Variants in SIPA1L2 observed in about 807,000 individuals in gnomAD.
SIPA1L2 encodes the protein signal-induced proliferation-associated 1-like protein 2.
A neutral mutation model predicts 163.9 loss-of-function variants in SIPA1L2; 56 were observed. The observed-to-expected ratio is 0.34, with a 90% confidence interval of 0.28 to 0.43. The LOEUF (loss-of-function observed/expected upper bound fraction) is 0.43. Among genes scored for constraint, SIPA1L2 ranks in the 20% least tolerant of loss-of-function variants. The pLI, the probability that SIPA1L2 is intolerant of heterozygous loss-of-function variation, is 1.00. For synonymous variants in SIPA1L2, 877 were observed against 865.7 expected (o/e 1.01, Z -0.23); for missense variants, 1,974 against 2,193.5 (o/e 0.90, Z 2.00).
At chr1:232,580,925 G>A (rs1246125747) in intron 1 of SIPA1L2, among the ~76,000 whole-genome samples, 3 of 152,004 alleles carry the variant, frequency 2.0e-5, no homozygotes, top group Non-Finnish European at 4.4e-5. Flanking sequence ...CCTTTATTCT[G>A]CTACAACACT....
At chr1:232,525,227 T>C (rs1271876578) in intron 2 of SIPA1L2, among the ~76,000 whole-genome samples, 1 of 138,920 alleles carries the variant, frequency 7.2e-6, no homozygotes, top group African/African-American at 2.7e-5. Flanking sequence ...GTTAGAATAA[T>C]AATAGCTTTT....
chr1:232,411,498 G>T (rs1217740396), intron 19 of SIPA1L2, among the ~76,000 whole-genome samples: 3 of 151,782 alleles, frequency 2.0e-5, no homozygotes, highest in African/African-American at 7.3e-5. Context: ...TTATATTTTG[G>T]ATCAAATTTG....
intron 1 of SIPA1L2, among the ~76,000 whole-genome samples, chr1:232,618,616 T>C (rs1573183851): frequency 6.8e-6 from 1 of 147,442 alleles, no homozygotes; most frequent in African/African-American, 2.5e-5. Flanking sequence ...ATTGCACCAG[T>C]GCACTCCAGC....
intron 1 of SIPA1L2, among the ~76,000 whole-genome samples, chr1:232,577,406 G>C (rs1320095492): frequency 6.6e-6 from 1 of 152,118 alleles, no homozygotes; most frequent in Non-Finnish European, 1.5e-5. Flanking sequence ...GTTGTTTCTT[G>C]CCTGCTAACA....
intron 15 of SIPA1L2, among the ~76,000 whole-genome samples, chr1:232,438,609 C>G (rs1662702206): frequency 6.6e-6 from 1 of 152,228 alleles, no homozygotes; most frequent in Non-Finnish European, 1.5e-5. Context: ...AGCTGCAGAG[C>G]TGAACACACT....
chr1:232,603,064 G>A (rs577682982), intron 1 of SIPA1L2, among the ~76,000 whole-genome samples: 3 of 152,226 alleles, frequency 2.0e-5, no homozygotes, highest in African/African-American at 2.4e-5. Context: ...CAGAATTAGC[G>A]GATGCTGGTG....
At chr1:232,506,434 G>A (rs1260894890) in intron 3 of SIPA1L2, among the ~76,000 whole-genome samples, 1 of 152,110 alleles carries the variant, frequency 6.6e-6, no homozygotes, top group Admixed American at 6.6e-5. Flanking sequence ...TGCCTTAAGT[G>A]ATGTCATTTG....
chr1:232,402,512 T>C, intron 21 of SIPA1L2, 39 bp from the exon 22 acceptor site: 1 of 1,571,770 alleles, frequency 6.4e-7, no homozygotes, highest in Non-Finnish European at 8.7e-7. Flanking sequence ...TTCAAGAGAG[T>C]CAATCGAGCA....
intron 22 of SIPA1L2, among the ~76,000 whole-genome samples, chr1:232,400,424 T>A (rs949615017): frequency 1.3e-5 from 2 of 152,202 alleles, no homozygotes; most frequent in African/African-American, 4.8e-5. Context: ...CTGAAATTCC[T>A]TTCGTCTTCG....
intron 15 of SIPA1L2, among the ~76,000 whole-genome samples, chr1:232,434,703 G>A (rs1013903407): frequency 6.6e-6 from 1 of 152,146 alleles, no homozygotes; most frequent in African/African-American, 2.4e-5. Flanking sequence ...CTGACGCCCT[G>A]TATGTTATTT....
chr1:232,531,175 C>G (rs1296797035), intron 2 of SIPA1L2, among the ~76,000 whole-genome samples: 1 of 152,124 alleles, frequency 6.6e-6, no homozygotes, highest in Non-Finnish European at 1.5e-5. Flanking sequence ...TAGAGTAAAA[C>G]TTCTCAAGCC....
intron 18 of SIPA1L2, among the ~76,000 whole-genome samples, chr1:232,417,726 C>A (rs112695750): frequency 6.6e-6 from 1 of 152,172 alleles, no homozygotes; most frequent in Admixed American, 6.5e-5. Flanking sequence ...AAAACACTTC[C>A]TTCTCTCTCT....
chr1:232,455,669 C>T (rs1008532640), intron 10 of SIPA1L2, among the ~76,000 whole-genome samples: 8 of 146,448 alleles, frequency 5.5e-5, no homozygotes, highest in East Asian at 2.0e-4. Context: ...GAGCCGAGAT[C>T]GCGCCACTGC....
intron 3 of SIPA1L2, among the ~76,000 whole-genome samples, chr1:232,494,461 G>A (rs1296238055): frequency 6.6e-6 from 1 of 152,146 alleles, no homozygotes; most frequent in East Asian, 1.9e-4. Flanking sequence ...ACTATGTGTG[G>A]GCATTGTTTC....
At chr1:232,603,089 T>C (rs1020427305) in intron 1 of SIPA1L2, among the ~76,000 whole-genome samples, 2 of 151,874 alleles carry the variant, frequency 1.3e-5, no homozygotes, top group African/African-American at 4.8e-5. Context: ...ACCAGACACG[T>C]GGTATAAGGA....
intron 3 of SIPA1L2, among the ~76,000 whole-genome samples, chr1:232,508,491 A>C (rs1397076937): frequency 6.6e-6 from 1 of 152,216 alleles, no homozygotes; most frequent in South Asian, 2.1e-4. Flanking sequence ...GGCAGTGTGC[A>C]GTGCCAAGCA....
chr1:232,482,948 C>A (rs1665440545), intron 6 of SIPA1L2, among the ~76,000 whole-genome samples: 1 of 152,208 alleles, frequency 6.6e-6, no homozygotes, highest in Admixed American at 6.5e-5. Context: ...TCTTTTCGTT[C>A]AAAGAGCAAG....
In SIPA1L2 at chr1:232,439,307, G is replaced by A; in HGVS notation, c.3832C>T (p.Leu1278Phe). ...CTGCCTGCCAGGTGCACAGGGCCGA[G>A]GATGGTGGCAGGCATGCAGGGGGCC... is the stretch of plus-strand genomic sequence containing the variant. ...DTAPCMPATI[L>F]GPVHLAGSRS... Residue 1278 changes from leucine to phenylalanine, a missense_variant, in exon 15 of 23, where the codon CTC (leucine) becomes TTC (phenylalanine). By Grantham distance (22) the Leu-to-Phe change is conservative. This residue lies in a region of SIPA1L2 where 1,079 missense variants were observed against 1,150.7 expected (regional missense o/e 0.94). Coordinates refer to ENST00000674635, the MANE Select transcript of SIPA1L2 (RefSeq NM_020808.5). 1 of 1,614,200 alleles carries A rather than the reference G, an allele frequency of 6.2e-7. No homozygotes were observed. The highest frequency in any genetic ancestry group is 2.2e-5 in the East Asian group (1 of 44,886).
chr1:232,441,321 A>C lies in SIPA1L2; in HGVS notation c.3612T>G (p.Ser1204Arg). 1 of 1,594,146 alleles carries C rather than the reference A, an allele frequency of 6.3e-7. No individual in the cohort carries two copies. The highest frequency in any genetic ancestry group is 1.1e-5 in the South Asian group (1 of 87,498). ...YKERALQKDGSCKDSPNKLSH... is the reference protein window; with the variant it reads ...YKERALQKDGRCKDSPNKLSH... ...AAAGCTTATTGGGGGAATCTTTGCA[A>C]CTTCCATCTTTCTGCAGAGCTCTTT... is the stretch of plus-strand genomic sequence containing the variant. Residue 1204 changes from serine to arginine, a missense_variant, in exon 14 of 23, where the codon AGT becomes AGG. Physicochemically the swap from Ser to Arg is moderately radical, Grantham distance 110. Coordinates refer to ENST00000674635, the MANE Select transcript of SIPA1L2 (RefSeq NM_020808.5).
Sources: allele counts gnomAD v4.1 joint callset (sites outside exome capture counted in the v4.1 genomes callset), GRCh38; gene constraint gnomAD v4.1.1; regional missense constraint gnomAD v4.1.1; transcripts MANE v1.5; gene names NCBI Gene and HGNC (gene_info 2026-07-23, HGNC 2026-07-21).